EOMES: variants seen among roughly 807,000 people sequenced by gnomAD.
EOMES encodes eomesodermin homolog.
Under a neutral mutation model 61.0 loss-of-function variants are expected in EOMES, and 18 were observed. That is an observed-to-expected ratio of 0.30 (90% CI 0.20 to 0.44). The LOEUF (loss-of-function observed/expected upper bound fraction) is 0.44, where lower values mean the gene tolerates loss of function less well. EOMES is among the 20% of genes least tolerant of loss of function. The probability of loss-of-function intolerance (pLI) is 1.00; values close to 1 mark genes in which losing one functional copy is unlikely to be tolerated. For synonymous variants in EOMES, 430 were observed against 394.0 expected (o/e 1.09, Z -1.08); for missense variants, 885 against 939.2 (o/e 0.94, Z 0.75).
In EOMES at chr3:27,718,762, A is replaced by G. The variant is rs201529112; in HGVS notation, c.1290T>C (p.Ile430=). The G allele has an allele frequency of 1.3e-5, 21 of 1,614,232 alleles. No homozygotes were observed. The East Asian group carries it at 4.0e-4, about 31-fold the overall frequency. The part of the protein sequence containing the change: ...QTFTFSETQF[I]AVTAYQNTDI... ...CGGTGTTTTGGTAGGCAGTCACTGC[A>G]ATGAATTGCGTTTCTGAGAAGGTAA... is the stretch of plus-strand genomic sequence containing the variant. Residue 430 remains isoleucine, a synonymous_variant, in exon 4 of 6, where the codon ATT becomes ATC. Coordinates refer to ENST00000449599, the MANE Select transcript of EOMES (RefSeq NM_001278182.2).
intron 3 of EOMES, 26 bp downstream of exon 3, chr3:27,719,332 GAT>G (rs777626564): frequency 8.0e-5 from 129 of 1,611,604 alleles, no homozygotes; most frequent in Middle Eastern, 3.3e-4. Context: ...AAAGCCAGAA[GAT>G]ATCCCCTCCT....
At position 27,720,171 on chromosome 3, in the gene EOMES, C is replaced by A; in HGVS notation, c.1036G>T (p.Gly346Cys). ...TCGKADNNMQ[G>C]NKMYVHPESP... ...CGGCCCGAGCCTCTTCTCTGCTCACCCTGCATGTTATTGTCGGCTTTGCCA... is the reference window on the plus strand; with the variant it reads ...CGGCCCGAGCCTCTTCTCTGCTCACACTGCATGTTATTGTCGGCTTTGCCA... Residue 346 changes from glycine (G) to cysteine (C), a missense_variant and splice_region_variant, in exon 2 of 6, where the codon GGC (glycine) becomes TGC (cysteine). Gly to Cys is a radical substitution (Grantham distance 159). This residue lies in a region of EOMES where 177 missense variants were observed against 273.3 expected (regional missense o/e 0.65). Transcript: ENST00000449599. 1 of 1,584,190 alleles carries A rather than the reference C, an allele frequency of 6.3e-7. No homozygotes were observed. The highest frequency in any genetic ancestry group is 1.7e-4 in the Middle Eastern group (1 of 5,862).
chr3:27,722,518 A>T, upstream of EOMES: 1 of 1,347,704 alleles, frequency 7.4e-7, no homozygotes, highest in Non-Finnish European at 9.4e-7. Context: ...GTTGGAAAGC[A>T]GGAGGTGGAA....
intron 2 of EOMES, 82 bp downstream of exon 2, chr3:27,720,089 A>G: frequency 7.3e-7 from 1 of 1,373,756 alleles, no homozygotes; most frequent in Non-Finnish European, 9.9e-7. Flanking sequence ...AAAGTGCTAC[A>G]TTTAAATGTG....
Sources: allele counts gnomAD v4.1 joint callset, GRCh38; gene constraint gnomAD v4.1.1; regional missense constraint gnomAD v4.1.1; transcripts MANE v1.5; gene names NCBI Gene and HGNC (gene_info 2026-07-23, HGNC 2026-07-21).